IGSF9B: variants seen among roughly 807,000 people sequenced by gnomAD.
IGSF9B encodes immunoglobulin superfamily member 9B.
IGSF9B carries 48 observed loss-of-function variants against 143.7 expected under a neutral mutation model. The observed-to-expected ratio is 0.33, with a 90% CI of 0.26 to 0.42. The LOEUF is 0.42. IGSF9B is among the 20% of genes least tolerant of loss of function. The pLI is 1.00. For missense variants in IGSF9B, 1,706 were observed against 1,980.0 expected (o/e 0.86, Z 2.63); for synonymous variants, 903 against 833.1 (o/e 1.08, Z -1.44).
intron 18 of IGSF9B, chr11:133,919,016 C>T (rs763046193): frequency 4.7e-5 from 23 of 489,638 alleles, no homozygotes; most frequent in African/African-American, 4.2e-4. Flanking sequence ...GCGTCCAGGC[C>T]CTGGTACCTG....
Position 133,948,501 on chromosome 11 carries a change from C to A in IGSF9B, c.65-2243G>T, listed in dbSNP as rs1352086424. Among the ~76,000 whole-genome samples the A allele has an allele frequency of 6.6e-6, 1 of 152,170 alleles. No homozygotes were observed. The highest frequency in any genetic ancestry group is 6.5e-5 in the Admixed American group (1 of 15,284). On this transcript the variant is annotated intron_variant, in intron 1 of 19. Coordinates refer to ENST00000533871, the MANE Select transcript of IGSF9B (RefSeq NM_001277285.4). The surrounding 1 kb of genome is among the most constrained non-coding windows in gnomAD (Gnocchi z 4.7). ...TGCCCAGCTGCAGCCTCACCTCCCC[C>A]ACAGCCCCAGGGGCCCTCAGCAGGA...
chr11:133,952,022 G>A (rs1393714699), intron 1 of IGSF9B: 1 of 455,380 alleles, frequency 2.2e-6, no homozygotes, highest in Admixed American at 2.4e-5. Context: ...GGGCCACAGA[G>A]GACAGAAAGC....
chr11:133,909,337 G>A lies in IGSF9B; in HGVS notation c.4106-60C>T. 7.6e-7 allele frequency: 1 copy of A among 1,307,712 alleles called. No homozygotes were observed. The highest frequency in any genetic ancestry group is 1.1e-6 in the Non-Finnish European group (1 of 940,284). 81.0% of individuals were successfully genotyped at this position (1,307,712 alleles called of 1,614,324 possible). Reference sequence around the variant, plus strand: ...CAAGCGGATGAAAAGGAAGCACGCAGCCTGCTCACCTTTTCCACCTGCATT... The same window carrying A: ...CAAGCGGATGAAAAGGAAGCACGCAACCTGCTCACCTTTTCCACCTGCATT... On this transcript the variant is annotated intron_variant, in intron 19 of 19. Transcript: ENST00000533871. The surrounding 1 kb of genome is among the most constrained non-coding windows in gnomAD (Gnocchi z 4.2).
At chr11:133,923,377 T>G (rs1462341609) in intron 15 of IGSF9B, among the ~76,000 whole-genome samples, 1 of 152,232 alleles carries the variant, frequency 6.6e-6, no homozygotes, top group Non-Finnish European at 1.5e-5. Context: ...CCTGGTCATC[T>G]CAGGTACGGA....
intron 3 of IGSF9B, among the ~76,000 whole-genome samples, chr11:133,939,111 C>G (rs1437936887): frequency 6.6e-6 from 1 of 152,188 alleles, no homozygotes; most frequent in Non-Finnish European, 1.5e-5. Context: ...CTCTCCCTCC[C>G]AGCGCACTCC....
At chr11:133,917,572 A>C (rs1240581927) in intron 18 of IGSF9B, among the ~76,000 whole-genome samples, 1 of 152,092 alleles carries the variant, frequency 6.6e-6, no homozygotes, top group Non-Finnish European at 1.5e-5. Flanking sequence ...GCTAGGTCAC[A>C]TTTCAGTCCT....
rs1163068986 is a variant in IGSF9B, at chr11:133,903,065, C to CCACGCACATGTT, written c.*5992_*6003dup. The stretch of plus-strand genomic sequence containing the variant: ...CCTCCCACCACCTCCCCATCGTAAA[C>CCACGCACATGTT]CACGCACATGTTCACGATCCCTGGA... On this transcript the variant is annotated 3_prime_UTR_variant, in exon 20 of 20. Coordinates refer to ENST00000533871, the MANE Select transcript of IGSF9B (RefSeq NM_001277285.4). Among the ~76,000 whole-genome samples, 1 of 150,220 alleles carries CCACGCACATGTT rather than the reference C, an allele frequency of 6.7e-6. No homozygotes were observed. Among genetic ancestry groups the CCACGCACATGTT allele is most frequent in the Non-Finnish European group, 1.5e-5 (1 of 67,666 alleles).
Position 133,901,934 on chromosome 11 carries a change from AAC to A in IGSF9B, c.*7133_*7134del, listed in dbSNP as rs777639552. Among the ~76,000 whole-genome samples, 97 of 93,976 alleles carry A rather than the reference AAC, an allele frequency of 1.0e-3. No individual in the cohort carries two copies. The highest frequency in any genetic ancestry group is 1.8e-3 in the Non-Finnish European group (73 of 39,658). The allele number at this position is 93,976 out of a possible 152,430, so 61.7% of individuals were successfully genotyped here. ...ACACACAACACACACCAAACCACAC[AAC>A]ACACACACACATCACACACATGCAC... is the stretch of plus-strand genomic sequence containing the variant. On this transcript the variant is annotated 3_prime_UTR_variant, in exon 20 of 20. Coordinates refer to ENST00000533871, the MANE Select transcript of IGSF9B (RefSeq NM_001277285.4).
intron 12 of IGSF9B, among the ~76,000 whole-genome samples, chr11:133,927,515 C>G (rs540525457): frequency 6.6e-6 from 1 of 152,190 alleles, no homozygotes; most frequent in Non-Finnish European, 1.5e-5. Context: ...CACACACCCC[C>G]AGGGACAGCT....
chr11:133,910,184 A>AGT (rs1027409190), intron 19 of IGSF9B, among the ~76,000 whole-genome samples: 1 of 152,082 alleles, frequency 6.6e-6, no homozygotes, highest in African/African-American at 2.4e-5. Context: ...TTTAATCAGA[A>AGT]GTGTGTGTGT....
rs564829379 is a variant in IGSF9B at position 133,955,242 on chromosome 11, C to T, written c.64+1449G>A. 1.5e-3 allele frequency among the ~76,000 whole-genome samples: 232 copies of T among 152,288 alleles called. 2 individuals carry two copies. Among genetic ancestry groups the T allele is most frequent in the African/African-American group, 5.4e-3 (223 of 41,558 alleles). ...CCCGATGCACCTCACATCCACCCCC[C>T]GTTCCGTAAGCTTCCGCCATCACCC... is the stretch of plus-strand genomic sequence containing the variant. On this transcript the variant is annotated intron_variant, in intron 1 of 19. Transcript: ENST00000533871.
Position 133,901,902 on chromosome 11 carries a change from ACACAC to A in IGSF9B, c.*7162_*7166del, listed in dbSNP as rs1471800850. 2.8e-5 allele frequency among the ~76,000 whole-genome samples: 4 copies of A among 144,438 alleles called. No homozygotes were observed. Among genetic ancestry groups the A allele is most frequent in the African/African-American group, 5.1e-5 (2 of 39,074 alleles). 94.8% of individuals were successfully genotyped at this position (144,438 alleles called of 152,430 possible). A position where few individuals can be genotyped will look rare whatever the true frequency, so the allele number is the denominator to read the frequency against. On this transcript the variant is annotated 3_prime_UTR_variant, in exon 20 of 20. Coordinates refer to ENST00000533871, the MANE Select transcript of IGSF9B (RefSeq NM_001277285.4). ...CACACACACACACAACACACACACA[ACACAC>A]CACACACAACACACACCAAACCACA...
Position 133,921,276 on chromosome 11 carries a change from G to A in IGSF9B, c.2449C>T (p.Leu817=). The A allele has an allele frequency of 2.5e-6, 4 of 1,611,306 alleles. 1 individual carries two copies. The highest frequency in any genetic ancestry group is 2.7e-5 in the African/African-American group (2 of 75,038). ...CGCTTGGTCTTCTTGTACAGCGACA[G>A]CTCCTTCTCACGGGTGGGGCTCAGC... ...RMLSPTREKE[L]SLYKKTKRAI... The change falls in exon 18 of 20, where the codon CTG becomes TTG. Residue 817 remains leucine (L), a synonymous_variant. Coordinates refer to ENST00000533871, the MANE Select transcript of IGSF9B (RefSeq NM_001277285.4).
intron 1 of IGSF9B, among the ~76,000 whole-genome samples, chr11:133,950,071 C>G (rs1385140104): frequency 6.6e-6 from 1 of 152,158 alleles, no homozygotes; most frequent in Non-Finnish European, 1.5e-5. Flanking sequence ...GGGTACAAAT[C>G]TCCTGCTCTC....
chr11:133,917,732 C>A (rs368600111), intron 18 of IGSF9B, among the ~76,000 whole-genome samples: 1 of 152,112 alleles, frequency 6.6e-6, no homozygotes, highest in Non-Finnish European at 1.5e-5. Context: ...TTGTACTCCT[C>A]GAGAGAGCCT....
At chr11:133,955,426 G>T (rs1393061866) in intron 1 of IGSF9B, among the ~76,000 whole-genome samples, 2 of 152,218 alleles carry the variant, frequency 1.3e-5, no homozygotes, top group East Asian at 1.9e-4. Flanking sequence ...TTCCATTCCG[G>T]AAAGTTTCCT....
In IGSF9B at chr11:133,936,208, G is replaced by A. The variant is rs749697331; in HGVS notation, c.680-14C>T. 6.9e-6 allele frequency: 11 copies of A among 1,604,002 alleles called. No homozygotes were observed. The highest frequency in any genetic ancestry group is 8.5e-6 in the Non-Finnish European group (10 of 1,175,692). On this transcript the variant is annotated splice_polypyrimidine_tract_variant and intron_variant, in intron 5 of 19. Coordinates refer to ENST00000533871, the MANE Select transcript of IGSF9B (RefSeq NM_001277285.4). ...TGAAAGGGGGCCCTGGGGAGAGCAGGGAACAAACCCCACCTCGCCTGATCA... is the reference window on the plus strand; with the variant it reads ...TGAAAGGGGGCCCTGGGGAGAGCAGAGAACAAACCCCACCTCGCCTGATCA...
Position 133,920,318 on chromosome 11 carries a change from C to A in IGSF9B, c.3407G>T (p.Arg1136Leu). 5 of 1,577,050 alleles carry A rather than the reference C, an allele frequency of 3.2e-6. No homozygotes were observed. The highest frequency in any genetic ancestry group is 3.4e-6 in the Non-Finnish European group (4 of 1,161,488). ...TATGCCCATGCCTTGGCTTGTATGTCGCAGCTGCCCTTGGCTTACCAGAGG... is the reference window on the plus strand; with the variant it reads ...TATGCCCATGCCTTGGCTTGTATGTAGCAGCTGCCCTTGGCTTACCAGAGG... ...MQPLVSQGQL[R>L]HTSQGMGIPV... The change falls in exon 18 of 20, where the codon CGA (arginine) becomes CTA (leucine). Residue 1136 changes from arginine (R) to leucine (L), a missense_variant. Arg to Leu is a moderately radical substitution (Grantham distance 102, BLOSUM62 -2). This residue lies in a region of IGSF9B where 880 missense variants were observed against 762.9 expected (regional missense o/e 1.15). Transcript: ENST00000533871.
chr11:133,940,364 C>A (rs476821), intron 3 of IGSF9B, among the ~76,000 whole-genome samples: 44,241 of 118,232 alleles, frequency 0.37, 8,694 homozygotes, highest in Middle Eastern at 0.55. Context: ...CGCACGCACA[C>A]ACACCTCGCA....
Sources: gnomAD v4.1 joint callset for allele counts (sites outside exome capture counted in the v4.1 genomes callset) on GRCh38, gnomAD v4.1.1 for gene constraint, gnomAD v4.1.1 regional missense constraint, Gnocchi (gnomAD v3.1) non-coding constraint, MANE v1.5 for transcripts, NCBI Gene and HGNC (gene_info 2026-07-23, HGNC 2026-07-21) for gene names.